The following MYO18B variants were observed in gnomAD, a reference collection of about 807,000 sequenced individuals.
MYO18B encodes the protein myosin XVIIIB.
A neutral mutation model predicts 273.0 loss-of-function variants in MYO18B; 204 were observed. That is an observed-to-expected ratio of 0.75 (90% CI 0.67 to 0.84). The LOEUF is 0.84. Among genes scored for constraint, MYO18B ranks in the 40% least tolerant of loss-of-function variants. The probability of loss-of-function intolerance (pLI) is 0.00; values close to 1 mark genes in which losing one functional copy is unlikely to be tolerated. For synonymous variants in MYO18B, 1,330 were observed against 1,305.7 expected, an observed-to-expected ratio of 1.02 and a Z score of -0.40; for missense variants, 3,212 against 3,287.6, an observed-to-expected ratio of 0.98 and a Z score of 0.56.
At chr22:25,781,902 C>T in intron 10 of MYO18B, 68 bp downstream of exon 10, 1 of 1,112,252 alleles carries the variant, frequency 9.0e-7, no homozygotes, top group Non-Finnish European at 1.2e-6. Context: ...CTTTGGGGGC[C>T]CAGCCTTAGC....
chr22:25,790,694 C>T (rs1178913048), intron 11 of MYO18B, among the ~76,000 whole-genome samples: 2 of 152,196 alleles, frequency 1.3e-5, no homozygotes, highest in African/African-American at 4.8e-5. Flanking sequence ...TTTCAATTTT[C>T]GAATCGTTTG....
chr22:25,836,303 CT>C (rs2089898799), intron 17 of MYO18B, among the ~76,000 whole-genome samples: 2 of 152,098 alleles, frequency 1.3e-5, no homozygotes, highest in Admixed American at 1.3e-4. Flanking sequence ...ACCCCTGGCC[CT>C]TTTTTCTCTA....
chr22:25,742,738 C>A (rs572367357), intron 1 of MYO18B, among the ~76,000 whole-genome samples: 3 of 152,268 alleles, frequency 2.0e-5, no homozygotes, highest in South Asian at 4.1e-4. Context: ...GTGTTAACAA[C>A]GCTGTTGAGT....
intron 1 of MYO18B, among the ~76,000 whole-genome samples, chr22:25,742,548 C>G (rs1247772230): frequency 6.6e-6 from 1 of 151,468 alleles, no homozygotes; most frequent in Non-Finnish European, 1.5e-5. Context: ...GTAAGAATCA[C>G]TCTCCTCAGG....
intron 24 of MYO18B, 146 bp downstream of exon 24, chr22:25,876,478 G>A: frequency 2.3e-6 from 2 of 859,608 alleles, no homozygotes; most frequent in Non-Finnish European, 3.4e-6. Flanking sequence ...CCTTCCAGAT[G>A]TTCCTCTGCC....
At chr22:25,784,510 CT>C (rs1233991417) in intron 10 of MYO18B, among the ~76,000 whole-genome samples, 1 of 152,248 alleles carries the variant, frequency 6.6e-6, no homozygotes, top group Non-Finnish European at 1.5e-5. Flanking sequence ...GCTGGTAAGA[CT>C]CCTTCAAAGT....
the MYO18B span, among the ~76,000 whole-genome samples, chr22:26,052,500 G>A: frequency 6.6e-6 from 1 of 152,104 alleles, no homozygotes; most frequent in Admixed American, 6.5e-5. Context: ...TAAGGAAAAT[G>A]TTTTCATTGT....
At chr22:26,054,422 C>A in the MYO18B span, among the ~76,000 whole-genome samples, 1 of 152,130 alleles carries the variant, frequency 6.6e-6, no homozygotes, top group Non-Finnish European at 1.5e-5. Flanking sequence ...GTACAATCCC[C>A]TGTTACTATG....
chr22:25,947,542 A>ACACACACACC (rs1228713825), intron 35 of MYO18B, among the ~76,000 whole-genome samples, 170 bp from the exon 36 acceptor site: 7 of 140,116 alleles, frequency 5.0e-5, no homozygotes, highest in Non-Finnish European at 1.1e-4. Context: ...ACACACACAC[A>ACACACACACC]CCAAGCTGTT....
At chr22:25,932,935 G>A (rs1234506739) in intron 34 of MYO18B, among the ~76,000 whole-genome samples, 1 of 151,628 alleles carries the variant, frequency 6.6e-6, no homozygotes, top group African/African-American at 2.4e-5. Context: ...ATTATTATCT[G>A]ACCCCTGATT....
chr22:25,899,750 G>T (rs575017492), intron 29 of MYO18B: 1 of 151,846 alleles, frequency 6.6e-6, no homozygotes, highest in South Asian at 2.1e-4. Flanking sequence ...GCTCCATCTT[G>T]GCCACCTGCT....
At chr22:25,913,171 T>G (rs1450161664) in intron 33 of MYO18B, among the ~76,000 whole-genome samples, 1 of 152,164 alleles carries the variant, frequency 6.6e-6, no homozygotes, top group South Asian at 2.1e-4. Flanking sequence ...TCGCTCAGAT[T>G]ATTCCCCAAA....
At chr22:25,945,757 C>G (rs1163696156) in intron 34 of MYO18B, among the ~76,000 whole-genome samples, 6 of 15,706 alleles carry the variant, frequency 3.8e-4, no homozygotes. Context: ...CCCTCCCCTC[C>G]CCTCGCCTCC....
intron 25 of MYO18B, among the ~76,000 whole-genome samples, chr22:25,878,746 G>A (rs573644760): frequency 1.3e-5 from 2 of 152,336 alleles, no homozygotes; most frequent in East Asian, 3.9e-4. Context: ...TGTTGGCAAG[G>A]TTGTGTGGCA....
chr22:26,009,374 G>A (rs1017247857), intron 42 of MYO18B, among the ~76,000 whole-genome samples: 15 of 152,086 alleles, frequency 9.9e-5, no homozygotes, highest in African/African-American at 3.6e-4. Context: ...TCCCCCAGAG[G>A]TTATAAACAG....
chr22:26,005,121 G>A (rs1934315822), intron 42 of MYO18B, among the ~76,000 whole-genome samples: 1 of 152,174 alleles, frequency 6.6e-6, no homozygotes, highest in African/African-American at 2.4e-5. Context: ...AGGACCTAAT[G>A]CAGTCCTCTC....
chr22:25,834,942 G>T (rs1252985707), intron 16 of MYO18B, among the ~76,000 whole-genome samples: 1 of 152,222 alleles, frequency 6.6e-6, no homozygotes, highest in Non-Finnish European at 1.5e-5. Flanking sequence ...ATCTAGAAAT[G>T]TGTAATTTCC....
rs544603306 is a variant in MYO18B at position 25,828,801 on chromosome 22, A to C, written c.2812A>C (p.Met938Leu). The change falls in exon 15 of 44, where the codon ATG (methionine) becomes CTG (leucine). Residue 938 changes from methionine (M) to leucine (L), a missense_variant. Coordinates refer to ENST00000335473, the MANE Select transcript of MYO18B (RefSeq NM_032608.7). ...NRSFSSHHLS[M>L]ASIMVVDSPG... ...ATCCTTTTCCTCCCACCATCTCTCCATGGCCTCCATCATGGTGGTGGACTC... is the reference window on the plus strand; with the variant it reads ...ATCCTTTTCCTCCCACCATCTCTCCCTGGCCTCCATCATGGTGGTGGACTC... 6.2e-7 allele frequency: 1 copy of C among 1,613,610 alleles called. No individual in the cohort carries two copies.
rs763836644 is a variant in MYO18B, at chr22:25,771,000, C to T, written c.1692+16C>T. Reference sequence around the variant, plus strand: ...TGTCCATCGGGTGAGTCCCCTGTCCCGCCGTCCCCCAGCATGAGTCCCCTG... The same window carrying T: ...TGTCCATCGGGTGAGTCCCCTGTCCTGCCGTCCCCCAGCATGAGTCCCCTG... On this transcript the variant is annotated intron_variant, in intron 6 of 43. Coordinates refer to ENST00000335473, the MANE Select transcript of MYO18B (RefSeq NM_032608.7). 3.8e-5 allele frequency: 58 copies of T among 1,526,990 alleles called. No homozygotes were observed. The South Asian group carries it at 4.0e-4, about 10-fold the overall frequency. The allele number at this position is 1,526,990 out of a possible 1,614,324, so 94.6% of individuals were successfully genotyped here.
Sources: allele counts gnomAD v4.1 joint callset (sites outside exome capture counted in the v4.1 genomes callset), GRCh38; gene constraint gnomAD v4.1.1; transcripts MANE v1.5; gene names NCBI Gene and HGNC (gene_info 2026-07-23, HGNC 2026-07-21).